GPNMB: variants seen among roughly 807,000 people sequenced by gnomAD.
The protein encoded by GPNMB is transmembrane glycoprotein NMB.
In GPNMB, 71 loss-of-function variants were observed where a neutral mutation model predicts 57.3. That is an observed-to-expected ratio of 1.24 (90% CI 1.02 to 1.51). The LOEUF is 1.51. Ranked by LOEUF, GPNMB falls within the 40% of genes most tolerant of loss-of-function variation. The probability of loss-of-function intolerance (pLI) is 0.00; values close to 1 mark genes in which losing one functional copy is unlikely to be tolerated. For synonymous variants in GPNMB, 253 were observed against 263.2 expected, an observed-to-expected ratio of 0.96 and a Z score of 0.38; for missense variants, 677 against 691.9, an observed-to-expected ratio of 0.98 and a Z score of 0.24.
intron 3 of GPNMB, among the ~76,000 whole-genome samples, chr7:23,254,898 C>A (rs79005923): frequency 0.015 from 2,317 of 152,202 alleles, 56 homozygotes; most frequent in African/African-American, 0.053. Flanking sequence ...TGGCCGGATA[C>A]CATGGCTCAT....
At position 23,270,081 on chromosome 7, in the gene GPNMB, C is replaced by A. The variant is rs34016955; in HGVS notation, c.1335C>A (p.Thr445=). Residue 445 remains threonine (T), a synonymous_variant, in exon 9 of 11, where the codon ACC becomes ACA. Transcript: ENST00000258733. ...TGTGTCTGCTGACTGTGAGACGAAC[C>A]TTCAATGGGTCTGGGACGTACTGTG... The part of the protein sequence containing the change: ...DEMCLLTVRR[T]FNGSGTYCVN... 2 of 1,614,050 alleles carry A rather than the reference C, an allele frequency of 1.2e-6. No individual in the cohort carries two copies. Among genetic ancestry groups the A allele is most frequent in the Middle Eastern group, 1.7e-4 (1 of 6,058 alleles).
At chr7:23,266,677 C>T in intron 7 of GPNMB, 62 bp downstream of exon 7, 2 of 1,497,386 alleles carry the variant, frequency 1.3e-6, no homozygotes, top group Non-Finnish European at 1.8e-6. Context: ...GTCACCCACT[C>T]TCTCTGCTAA....
chr7:23,250,313 T>C (rs959450196), intron 1 of GPNMB, among the ~76,000 whole-genome samples: 1 of 152,214 alleles, frequency 6.6e-6, no homozygotes, highest in Non-Finnish European at 1.5e-5. Flanking sequence ...GTTGTGTTCA[T>C]GTCAAGTCTA....
At chr7:23,270,517 G>A (rs552735836) in intron 9 of GPNMB, among the ~76,000 whole-genome samples, 31 of 152,212 alleles carry the variant, frequency 2.0e-4, no homozygotes, top group African/African-American at 6.5e-4. Flanking sequence ...TCAAAAAATA[G>A]CAGTGTTCTC....
In GPNMB at chr7:23,262,608, CTTTTTTTTTTTTTTT is replaced by C. The variant is rs58011121; in HGVS notation, c.1018+1849_1018+1863del. On this transcript the variant is annotated intron_variant, in intron 6 of 10. Coordinates refer to ENST00000258733, the MANE Select transcript of GPNMB (RefSeq NM_002510.3). Reference sequence around the variant, plus strand: ...GTACTGTCATTTATTTCACCATTCTCTTTTTTTTTTTTTTTTTTTTTTTTTTTTGAGACAGCGTCT... The same window carrying C: ...GTACTGTCATTTATTTCACCATTCTCTTTTTTTTTTTTTGAGACAGCGTCT... Among the ~76,000 whole-genome samples the C allele has an allele frequency of 4.8e-5, 3 of 62,800 alleles. 1 individual carries two copies. Among genetic ancestry groups the C allele is most frequent in the Non-Finnish European group, 8.3e-5 (3 of 36,276 alleles). 41.2% of individuals were successfully genotyped at this position (62,800 alleles called of 152,430 possible). A position where few individuals can be genotyped will look rare whatever the true frequency, so the allele number is the denominator to read the frequency against.
At chr7:23,259,004 G>A (rs1370425106) in intron 4 of GPNMB, among the ~76,000 whole-genome samples, 1 of 152,200 alleles carries the variant, frequency 6.6e-6, no homozygotes, top group Admixed American at 6.5e-5. Context: ...GAGTTACAGA[G>A]TTTTAAAATT....
intron 6 of GPNMB, among the ~76,000 whole-genome samples, chr7:23,265,670 T>C (rs1783040061): frequency 6.6e-6 from 1 of 152,092 alleles, no homozygotes; most frequent in Non-Finnish European, 1.5e-5. Flanking sequence ...ATTTATTAAG[T>C]ACTCCCTCTG....
chr7:23,252,147 T>C (rs1208620909), intron 1 of GPNMB, among the ~76,000 whole-genome samples: 1 of 152,012 alleles, frequency 6.6e-6, no homozygotes, highest in Non-Finnish European at 1.5e-5. Context: ...GGAATCCAAA[T>C]GTAACTCCAA....
chr7:23,261,972 T>G (rs960850644), intron 6 of GPNMB, among the ~76,000 whole-genome samples: 1 of 151,976 alleles, frequency 6.6e-6, no homozygotes, highest in Admixed American at 6.6e-5. Context: ...ACTGGGCCAG[T>G]TGCACTCAGC....
intron 1 of GPNMB, chr7:23,248,077 G>A (rs1187343157): frequency 6.6e-6 from 1 of 152,302 alleles, no homozygotes; most frequent in Non-Finnish European, 1.5e-5. Context: ...CTCCCCGCCA[G>A]CCTAGGGGCT....
At chr7:23,260,890 C>T in intron 6 of GPNMB, 117 bp downstream of exon 6, 2 of 712,312 alleles carry the variant, frequency 2.8e-6, no homozygotes, top group Non-Finnish European at 4.2e-6. Context: ...GCGGTGATTC[C>T]ATTTTCTACC....
Position 23,273,583 on chromosome 7 carries a change from T to A in GPNMB, c.1492T>A (p.Phe498Ile). 1 of 1,613,230 alleles carries A rather than the reference T, an allele frequency of 6.2e-7. No individual in the cohort carries two copies. Among genetic ancestry groups the A allele is most frequent in the Non-Finnish European group, 8.5e-7 (1 of 1,179,168 alleles). ...GATCTCCGTTGGCTGCTTGGCCATA[T>A]TTGTCACTGTGATCTCCCTCTTGGT... ...ALISVGCLAI[F>I]VTVISLLVYK... The change falls in exon 10 of 11, where the codon TTT becomes ATT. Residue 498 changes from phenylalanine to isoleucine, a missense_variant. Physicochemically the swap from Phe to Ile is conservative, Grantham distance 21. Coordinates refer to ENST00000258733, the MANE Select transcript of GPNMB (RefSeq NM_002510.3).
intron 4 of GPNMB, 112 bp from the exon 5 acceptor site, chr7:23,259,868 A>G: frequency 1.1e-6 from 1 of 940,636 alleles, no homozygotes; most frequent in South Asian, 1.6e-5. Context: ...GGCCCATCCT[A>G]TTTTCCCTCC....
rs551092139 is a variant in GPNMB, at chr7:23,263,095, T to G, written c.1018+2322T>G. Among the ~76,000 whole-genome samples, 11 of 152,280 alleles carry G rather than the reference T, an allele frequency of 7.2e-5. No homozygotes were observed. In the East Asian group the frequency reaches 1.5e-3, roughly 21 times the overall value. The stretch of plus-strand genomic sequence containing the variant: ...CAAATAAGAGGACCAGGTATAAAAT[T>G]CAAAATAAATTACAGATGCTTTTAA... On this transcript the variant is annotated intron_variant, in intron 6 of 10. Transcript: ENST00000258733.
chr7:23,267,743 C>A, intron 7 of GPNMB, 143 bp from the exon 8 acceptor site: 1 of 665,056 alleles, frequency 1.5e-6, no homozygotes, highest in Non-Finnish European at 2.7e-6. Context: ...CAAAGACCCC[C>A]CTCCTAATGC....
intron 8 of GPNMB, among the ~76,000 whole-genome samples, chr7:23,268,735 G>A (rs769822021): frequency 6.6e-6 from 1 of 152,118 alleles, no homozygotes; most frequent in Non-Finnish European, 1.5e-5. Flanking sequence ...GAGCTAAGAA[G>A]CTCTCCACCT....
chr7:23,269,719 T>C (rs1473851058), intron 8 of GPNMB, among the ~76,000 whole-genome samples: 1 of 151,926 alleles, frequency 6.6e-6, no homozygotes, highest in African/African-American at 2.4e-5. Context: ...CTGGGGGAGA[T>C]CTTTTTTTTC....
chr7:23,269,412 T>A (rs1389697078), intron 8 of GPNMB, among the ~76,000 whole-genome samples: 1 of 151,918 alleles, frequency 6.6e-6, no homozygotes, highest in Admixed American at 6.6e-5. Flanking sequence ...ACAAAAAAAC[T>A]ATTGAGAGGA....
At chr7:23,267,767 G>T in intron 7 of GPNMB, 119 bp from the exon 8 acceptor site, 1 of 758,070 alleles carries the variant, frequency 1.3e-6, no homozygotes, top group South Asian at 1.6e-5. Context: ...CACCTTGGGG[G>T]TTTCAACATA....
Sources: allele counts gnomAD v4.1 joint callset (sites outside exome capture counted in the v4.1 genomes callset), GRCh38; gene constraint gnomAD v4.1.1; transcripts MANE v1.5; gene names NCBI Gene and HGNC (gene_info 2026-07-23, HGNC 2026-07-21).